USP9X: variants seen among roughly 807,000 people sequenced by gnomAD.
The protein encoded by USP9X is ubiquitin carboxyl-terminal hydrolase 9X.
A neutral mutation model predicts 190.3 loss-of-function variants in USP9X; 7 were observed. That is an observed-to-expected ratio of 0.04 (90% CI 0.02 to 0.07). The LOEUF is 0.07. Among genes scored for constraint, USP9X ranks in the 10% least tolerant of loss-of-function variants. The probability of loss-of-function intolerance (pLI) is 1.00; values close to 1 mark genes in which losing one functional copy is unlikely to be tolerated. For missense variants in USP9X, 1,010 were observed against 1,916.9 expected, an observed-to-expected ratio of 0.53 and a Z score of 8.83; for synonymous variants, 645 against 659.5, an observed-to-expected ratio of 0.98 and a Z score of 0.34.
At chrX:41,225,792 G>C (rs1391440887) in intron 41 of USP9X, among the ~76,000 whole-genome samples, 1 of 112,760 alleles carries the variant, frequency 8.9e-6, no homozygotes, top group Non-Finnish European at 1.9e-5. Flanking sequence ...ACTTAAGCCT[G>C]AACTTAAGCT....
chrX:41,113,488 C>T lies in USP9X; in HGVS notation c.-158-9983C>T, dbSNP rs1228228750. Among the ~76,000 whole-genome samples the T allele has an allele frequency of 4.5e-5, 5 of 111,787 alleles. No homozygotes were observed. In the Admixed American group the frequency reaches 4.8e-4, roughly 11 times the overall value. Reference sequence around the variant, plus strand: ...TGCTGGGGTTACAGGCATGAGCCACCGCGCCTGGCCAAAAATAAGTATTTT... The same window carrying T: ...TGCTGGGGTTACAGGCATGAGCCACTGCGCCTGGCCAAAAATAAGTATTTT... On this transcript the variant is annotated intron_variant, in intron 1 of 44. Transcript: ENST00000378308.
intron 23 of USP9X, 135 bp downstream of exon 23, chrX:41,184,810 G>A (rs746359778): frequency 1.8e-6 from 1 of 551,590 alleles, no homozygotes; most frequent in Non-Finnish European, 2.8e-6. Context: ...TTTTCTTTAT[G>A]ATGTTTGTAT....
rs1263921 is a variant in USP9X, at chrX:41,123,184, G to A, written c.-158-287G>A. On this transcript the variant is annotated intron_variant, in intron 1 of 44. Transcript: ENST00000378308. Reference sequence around the variant, plus strand: ...AAATTGAAAACAGATAGTTTTTGCCGTTTCTTAATTTAATTAAAATGACAG... The same window carrying A: ...AAATTGAAAACAGATAGTTTTTGCCATTTCTTAATTTAATTAAAATGACAG... 0.11 allele frequency among the ~76,000 whole-genome samples: 11,721 copies of A among 111,194 alleles called. 476 individuals are homozygous for A. Among genetic ancestry groups the A allele is most frequent in the Non-Finnish European group, 0.12 (6,446 of 52,923 alleles).
chrX:41,129,188 A>G, intron 3 of USP9X, 43 bp downstream of exon 3: 2 of 1,172,360 alleles, frequency 1.7e-6, no homozygotes, highest in Non-Finnish European at 2.3e-6. Context: ...CAGACAGGAA[A>G]GTAACCCCAC....
chrX:41,202,627 A>G (rs773310918), intron 31 of USP9X, among the ~76,000 whole-genome samples: 26 of 111,053 alleles, frequency 2.3e-4, no homozygotes, highest in African/African-American at 7.8e-4. Flanking sequence ...GCTGTGCCAG[A>G]TGGTCTAGGG....
rs2063397592 is a variant in USP9X at position 41,236,185 on chromosome X, G to A, written c.*3661G>A. 9.0e-6 allele frequency: 1 copy of A among 111,240 alleles called. No homozygotes were observed. Among genetic ancestry groups the A allele is most frequent in the Non-Finnish European group, 1.9e-5 (1 of 52,988 alleles). The allele number at this position is 111,240 out of a possible 1,213,427, so 9.2% of individuals were successfully genotyped here. On this transcript the variant is annotated 3_prime_UTR_variant, in exon 45 of 45. Transcript: ENST00000378308. ...TTACCAAGAAAAAAAAAACAGTATTGGTTTCATAGTAGGACTCAACCAGAA... is the reference window on the plus strand; with the variant it reads ...TTACCAAGAAAAAAAAAACAGTATTAGTTTCATAGTAGGACTCAACCAGAA...
chrX:41,197,332 C>CCG, intron 28 of USP9X, 32 bp from the exon 29 acceptor site: 19 of 211,274 alleles, frequency 9.0e-5, no homozygotes, highest in Non-Finnish European at 1.3e-4. Flanking sequence ...TTGATTTCTT[C>CCG]CCCCCCCCAC....
At chrX:41,098,619 G>A (rs1267853334) in intron 1 of USP9X, among the ~76,000 whole-genome samples, 1 of 109,814 alleles carries the variant, frequency 9.1e-6, no homozygotes, top group Non-Finnish European at 1.9e-5. Flanking sequence ...GTGCAGTGGC[G>A]AGCTTGGCTA....
At chrX:41,142,981 A>G (rs2062435827) in intron 9 of USP9X, among the ~76,000 whole-genome samples, 1 of 111,788 alleles carries the variant, frequency 8.9e-6, no homozygotes. Flanking sequence ...AAAGAATCCA[A>G]AGATCCTAAA....
chrX:41,171,363 A>G (rs2062724133), intron 20 of USP9X, among the ~76,000 whole-genome samples: 1 of 111,775 alleles, frequency 8.9e-6, no homozygotes, highest in African/African-American at 3.3e-5. Flanking sequence ...GAAAACAAGA[A>G]CTATGTAGGA....
intron 43 of USP9X, among the ~76,000 whole-genome samples, chrX:41,230,062 G>A (rs1476038482): frequency 9.0e-6 from 1 of 111,297 alleles, no homozygotes; most frequent in Non-Finnish European, 1.9e-5. Flanking sequence ...TTAGTCGGGC[G>A]TGGTGGCAGG....
At chrX:41,125,833 C>T (rs1033180131) in intron 2 of USP9X, among the ~76,000 whole-genome samples, 4 of 110,802 alleles carry the variant, frequency 3.6e-5, no homozygotes, top group African/African-American at 1.3e-4. Context: ...TTTCAGTTGT[C>T]TTTTCTAATA....
At chrX:41,116,445 G>A (rs1480793489) in intron 1 of USP9X, among the ~76,000 whole-genome samples, 1 of 112,266 alleles carries the variant, frequency 8.9e-6, no homozygotes, top group Non-Finnish European at 1.9e-5. Flanking sequence ...ATAAAAAACA[G>A]GCTCTTTTAG....
chrX:41,232,319 G>C, intron 44 of USP9X, 68 bp from the exon 45 acceptor site: 2 of 1,116,684 alleles, frequency 1.8e-6, no homozygotes, highest in South Asian at 2.2e-5. Flanking sequence ...AGAGACTTCA[G>C]ACCATGATTT....
intron 15 of USP9X, among the ~76,000 whole-genome samples, chrX:41,164,211 G>T (rs982781330): frequency 1.8e-5 from 2 of 111,264 alleles, no homozygotes; most frequent in African/African-American, 6.6e-5. Flanking sequence ...TTTGTCCTGG[G>T]CTGTGTTAAT....
At chrX:41,144,715 T>G (rs763803287) in intron 11 of USP9X, 89 bp downstream of exon 11, 279 of 747,413 alleles carry the variant, frequency 3.7e-4, no homozygotes, top group Non-Finnish European at 5.2e-4. Context: ...CAATAAATAC[T>G]TAAATAGAAA....
At chrX:41,193,663 CA>C (rs202008571) in intron 26 of USP9X, among the ~76,000 whole-genome samples, 1 of 110,498 alleles carries the variant, frequency 9.0e-6, no homozygotes, top group Non-Finnish European at 1.9e-5. Flanking sequence ...GACCCAGTCT[CA>C]AAAAAAATTT....
chrX:41,144,289 G>A (rs976432509), intron 10 of USP9X, among the ~76,000 whole-genome samples: 1 of 102,479 alleles, frequency 9.8e-6, no homozygotes, highest in Non-Finnish European at 2.0e-5. Flanking sequence ...GCTCGATACC[G>A]GCTCACTGCA....
Position 41,170,234 on chromosome X carries a change from C to T in USP9X, c.2876C>T (p.Ser959Leu), listed in dbSNP as rs1057518174. 5.0e-6 allele frequency: 6 copies of T among 1,206,643 alleles called. No homozygotes were observed. Among genetic ancestry groups the T allele is most frequent in the Non-Finnish European group, 5.6e-6 (5 of 891,924 alleles). ...GGACAATTAAACTTAAAAGATAAAT[C>T]GGTATGTATGTATAGTTAACAGATT... is the stretch of plus-strand genomic sequence containing the variant. ...LIGQLNLKDKSLITAKLTQIS... is the reference protein window; with the variant it reads ...LIGQLNLKDKLLITAKLTQIS... Residue 959 changes from serine (S) to leucine (L), a missense_variant and splice_region_variant, in exon 19 of 45, where the codon TCG becomes TTG. Coordinates refer to ENST00000378308, the MANE Select transcript of USP9X (RefSeq NM_001039591.3).
Sources: allele counts gnomAD v4.1 joint callset (sites outside exome capture counted in the v4.1 genomes callset), GRCh38; gene constraint gnomAD v4.1.1; transcripts MANE v1.5; gene names NCBI Gene and HGNC (gene_info 2026-07-23, HGNC 2026-07-21).